The following COL19A1 variants were observed in gnomAD, a reference collection of about 807,000 sequenced individuals.
COL19A1 encodes collagen alpha-1(XIX) chain.
In COL19A1, 159 loss-of-function variants were observed where a neutral mutation model predicts 190.2. That is an observed-to-expected ratio of 0.84 (90% CI 0.73 to 0.95). The LOEUF (loss-of-function observed/expected upper bound fraction) is 0.95. Ranked by LOEUF, COL19A1 falls within the 40% of genes least tolerant of loss-of-function variation. COL19A1 has a pLI of 0.00. For synonymous variants in COL19A1, 509 were observed against 458.9 expected (o/e 1.11, Z -1.39); for missense variants, 1,418 against 1,431.9 (o/e 0.99, Z 0.16).
At chr6:70,075,101 C>T (rs1245020729) in intron 15 of COL19A1, among the ~76,000 whole-genome samples, 1 of 152,114 alleles carries the variant, frequency 6.6e-6, no homozygotes, top group Non-Finnish European at 1.5e-5. Flanking sequence ...ATTTTATTTA[C>T]TTGCTATGAC....
intron 4 of COL19A1, among the ~76,000 whole-genome samples, chr6:69,925,303 T>C (rs1231103849): frequency 1.3e-5 from 2 of 152,224 alleles, no homozygotes; most frequent in Non-Finnish European, 1.5e-5. Context: ...TTTCTACATA[T>C]GGCAAGCCAG....
intron 4 of COL19A1, among the ~76,000 whole-genome samples, chr6:69,910,330 A>G (rs1480802196): frequency 6.6e-6 from 1 of 152,172 alleles, no homozygotes; most frequent in Non-Finnish European, 1.5e-5. Context: ...GACTTCTGTG[A>G]TGTAGTACTT....
intron 12 of COL19A1, among the ~76,000 whole-genome samples, chr6:70,029,630 C>T (rs1176182848): frequency 6.6e-6 from 1 of 152,142 alleles, no homozygotes; most frequent in Non-Finnish European, 1.5e-5. Context: ...AAAAGCATTA[C>T]TGATGTGTTT....
rs567095561 is a variant in COL19A1 at position 70,208,821 on chromosome 6, G to A, written c.*1547G>A. On this transcript the variant is annotated 3_prime_UTR_variant, in exon 51 of 51. Coordinates refer to ENST00000620364, the MANE Select transcript of COL19A1 (RefSeq NM_001858.6). ...GTGAACAGAGTTGTGTCTGAGGAAT[G>A]TGCCTAATTTAAGGCAGGGTTTGTT... 3.3e-5 allele frequency: 5 copies of A among 152,742 alleles called. No individual in the cohort carries two copies. The highest frequency in any genetic ancestry group is 1.2e-4 in the African/African-American group (5 of 41,570). The allele number at this position is 152,742 out of a possible 1,614,324, so 9.5% of individuals were successfully genotyped here.
chr6:69,912,281 T>C (rs1366381970), intron 4 of COL19A1, among the ~76,000 whole-genome samples: 1 of 152,224 alleles, frequency 6.6e-6, no homozygotes, highest in Non-Finnish European at 1.5e-5. Flanking sequence ...TCATTCTGAC[T>C]TGTGTAATCT....
At chr6:70,111,456 G>A (rs1337543861) in intron 16 of COL19A1, among the ~76,000 whole-genome samples, 3 of 152,096 alleles carry the variant, frequency 2.0e-5, no homozygotes, top group Non-Finnish European at 2.9e-5. Context: ...AGCAAATATC[G>A]CAAAATTGTT....
chr6:69,893,589 T>C (rs1769512673), intron 2 of COL19A1, among the ~76,000 whole-genome samples: 1 of 152,212 alleles, frequency 6.6e-6, no homozygotes, highest in South Asian at 2.1e-4. Context: ...CCAATCTGAC[T>C]GTGGCATAAC....
intron 16 of COL19A1, among the ~76,000 whole-genome samples, chr6:70,117,822 G>C (rs534877894): frequency 6.6e-6 from 1 of 152,208 alleles, no homozygotes; most frequent in Non-Finnish European, 1.5e-5. Context: ...GGCATGACTT[G>C]TGTACAATCA....
chr6:70,009,094 A>G (rs1478009443), intron 11 of COL19A1, among the ~76,000 whole-genome samples: 5 of 152,018 alleles, frequency 3.3e-5, no homozygotes. Context: ...GATCAGGATC[A>G]ATACAAGAAT....
At chr6:70,008,445 A>AT (rs1415036828) in intron 11 of COL19A1, among the ~76,000 whole-genome samples, 1 of 151,972 alleles carries the variant, frequency 6.6e-6, no homozygotes, top group Non-Finnish European at 1.5e-5. Flanking sequence ...TACAGATAAA[A>AT]TGTACAAATT....
intron 49 of COL19A1, among the ~76,000 whole-genome samples, chr6:70,202,957 T>A (rs1417799832): frequency 6.6e-6 from 1 of 152,184 alleles, no homozygotes; most frequent in Non-Finnish European, 1.5e-5. Context: ...GAGAGAACTT[T>A]CCTTGGTGTC....
chr6:70,158,527 G>A (rs1278809070), intron 34 of COL19A1, among the ~76,000 whole-genome samples: 3 of 152,016 alleles, frequency 2.0e-5, no homozygotes, highest in African/African-American at 7.2e-5. Flanking sequence ...TCTTAGAAAA[G>A]CAACATTTTC....
At chr6:70,065,553 G>C (rs927686105) in intron 14 of COL19A1, among the ~76,000 whole-genome samples, 25 of 152,206 alleles carry the variant, frequency 1.6e-4, no homozygotes, top group Middle Eastern at 3.4e-3. Context: ...CATGGGCAAG[G>C]ACTTCATGTC....
chr6:70,150,985 CT>C (rs1787023339), intron 30 of COL19A1, among the ~76,000 whole-genome samples: 2 of 152,130 alleles, frequency 1.3e-5, no homozygotes, highest in African/African-American at 4.8e-5. Context: ...GCAAACTTAT[CT>C]GGTACTTTTC....
chr6:69,971,441 C>T (rs1310472263), intron 11 of COL19A1, among the ~76,000 whole-genome samples: 2 of 152,034 alleles, frequency 1.3e-5, no homozygotes, highest in Non-Finnish European at 2.9e-5. Flanking sequence ...GCAGAAAAAC[C>T]CTCACGAGAA....
chr6:69,915,015 T>C (rs894085034), intron 4 of COL19A1, among the ~76,000 whole-genome samples: 1 of 152,218 alleles, frequency 6.6e-6, no homozygotes, highest in Non-Finnish European at 1.5e-5. Flanking sequence ...TGAATTTTCT[T>C]CCTAATCCTT....
Position 70,127,692 on chromosome 6 carries a change from C to G in COL19A1, c.1342-2490C>G, listed in dbSNP as rs118056393. Among the ~76,000 whole-genome samples, 1,456 of 152,246 alleles carry G rather than the reference C, an allele frequency of 9.6e-3. 6 individuals carry two copies. The highest frequency in any genetic ancestry group is 0.016 in the Non-Finnish European group (1,066 of 68,020). ...GTGAAAGGCACGTCTAACATGGTGG[C>G]AGACATCAGAAGAGTTTGTGCAGGG... On this transcript the variant is annotated intron_variant, in intron 17 of 50. Transcript: ENST00000620364.
At chr6:70,206,749 A>T (rs1206097715) in intron 49 of COL19A1, 152 bp from the exon 50 acceptor site, 11 of 556,948 alleles carry the variant, frequency 2.0e-5, no homozygotes, top group Non-Finnish European at 3.4e-5. Context: ...TAAGTTTAAT[A>T]TGTGGTTAAT....
intron 1 of COL19A1, among the ~76,000 whole-genome samples, chr6:69,874,526 C>T (rs1272854368): frequency 1.3e-5 from 2 of 152,200 alleles, no homozygotes; most frequent in South Asian, 2.1e-4. Context: ...CCAAGGCAGG[C>T]GGATCACAAG....
Sources: allele counts gnomAD v4.1 joint callset (sites outside exome capture counted in the v4.1 genomes callset), GRCh38; gene constraint gnomAD v4.1.1; transcripts MANE v1.5; gene names NCBI Gene and HGNC (gene_info 2026-07-23, HGNC 2026-07-21).